SND1: variants seen among roughly 807,000 people sequenced by gnomAD.
SND1 encodes the protein staphylococcal nuclease domain-containing protein 1.
Under a neutral mutation model 121.7 loss-of-function variants are expected in SND1, and 38 were observed. The ratio of observed to expected loss-of-function variants is 0.31; its 90% CI spans 0.24 to 0.41. The LOEUF (loss-of-function observed/expected upper bound fraction) is 0.41, where lower values mean the gene tolerates loss of function less well. Ranked by LOEUF, SND1 falls within the 10% of genes least tolerant of loss-of-function variation. SND1 has a pLI of 1.00. For synonymous variants in SND1, 401 were observed against 447.4 expected, an observed-to-expected ratio of 0.90 and a Z score of 1.31; for missense variants, 868 against 1,184.6, an observed-to-expected ratio of 0.73 and a Z score of 3.92.
rs925219468 is a variant in SND1 at position 128,050,408 on chromosome 7, G to A, written c.1780-24094G>A. 5.3e-5 allele frequency among the ~76,000 whole-genome samples: 8 copies of A among 152,312 alleles called. No homozygotes were observed. In the East Asian group the frequency reaches 1.3e-3, roughly 26 times the overall value. On this transcript the variant is annotated intron_variant, in intron 16 of 23. Coordinates refer to ENST00000354725, the MANE Select transcript of SND1 (RefSeq NM_014390.4). ...TTTCCCCAGATAACTTATCCTCACA[G>A]CATTGAGTCTGATACTGAGAAAAGA...
chr7:127,852,854 CT>C (rs1306390757), intron 12 of SND1, among the ~76,000 whole-genome samples: 2 of 151,934 alleles, frequency 1.3e-5, no homozygotes, highest in African/African-American at 4.8e-5. Context: ...CTTCTGTTGT[CT>C]GAATTATCTG....
At chr7:127,767,241 G>A (rs1336709760) in intron 10 of SND1, among the ~76,000 whole-genome samples, 1 of 152,148 alleles carries the variant, frequency 6.6e-6, no homozygotes, top group Non-Finnish European at 1.5e-5. Flanking sequence ...CCTTTCCACT[G>A]TTTAATGTAG....
chr7:127,709,414 T>C (rs1796260940), intron 9 of SND1, among the ~76,000 whole-genome samples: 1 of 152,206 alleles, frequency 6.6e-6, no homozygotes, highest in Non-Finnish European at 1.5e-5. Context: ...TAGTACCCTG[T>C]CGTGTTCCTA....
At chr7:128,040,519 C>T (rs1196673077) in intron 16 of SND1, among the ~76,000 whole-genome samples, 3 of 149,866 alleles carry the variant, frequency 2.0e-5, no homozygotes, top group East Asian at 1.9e-4. Context: ...GACCTTTCTC[C>T]TGGGAATATT....
chr7:127,828,744 A>C (rs1467831542), intron 11 of SND1, among the ~76,000 whole-genome samples: 1 of 152,220 alleles, frequency 6.6e-6, no homozygotes, highest in Non-Finnish European at 1.5e-5. Context: ...TTTATAGCTC[A>C]AAATGTTACC....
At chr7:127,803,129 G>A (rs1253029620) in intron 10 of SND1, among the ~76,000 whole-genome samples, 10 of 152,110 alleles carry the variant, frequency 6.6e-5, no homozygotes, top group Admixed American at 6.5e-5. Flanking sequence ...GCTGCCTCCC[G>A]CTCCTGCATT....
chr7:127,979,364 G>A (rs950826931), intron 15 of SND1, among the ~76,000 whole-genome samples: 4 of 152,240 alleles, frequency 2.6e-5, no homozygotes, highest in Non-Finnish European at 4.4e-5. Flanking sequence ...GAACGAGGGA[G>A]GGGAAGGGGC....
rs369372668 is a variant in SND1 at position 127,675,223 on chromosome 7, T to G, written c.79-11390T>G. On this transcript the variant is annotated intron_variant, in intron 1 of 23. Transcript: ENST00000354725. ...CTCAAAAAAACAAAAAAACCCTTCATTTTTTTTCCTTATTAAAACATGTTT... is the reference window on the plus strand; with the variant it reads ...CTCAAAAAAACAAAAAAACCCTTCAGTTTTTTTCCTTATTAAAACATGTTT... Among the ~76,000 whole-genome samples, 5 of 152,096 alleles carry G rather than the reference T, an allele frequency of 3.3e-5. No homozygotes were observed. The East Asian group carries it at 7.7e-4, about 24-fold the overall frequency.
chr7:127,745,275 C>G (rs1796960750), intron 10 of SND1, among the ~76,000 whole-genome samples: 1 of 152,096 alleles, frequency 6.6e-6, no homozygotes, highest in Non-Finnish European at 1.5e-5. Flanking sequence ...TGTTGCAGTG[C>G]TGAATACTGT....
intron 1 of SND1, among the ~76,000 whole-genome samples, chr7:127,654,411 A>G (rs530340977): frequency 6.6e-5 from 10 of 152,326 alleles, no homozygotes; most frequent in Non-Finnish European, 1.2e-4. Flanking sequence ...CAGAGCTGAG[A>G]CTTGAACCCA....
intron 15 of SND1, among the ~76,000 whole-genome samples, chr7:127,984,547 C>T (rs1456667483): frequency 2.6e-5 from 4 of 152,180 alleles, no homozygotes; most frequent in African/African-American, 4.8e-5. Context: ...TGTGTGTTTA[C>T]GTTTTTCAGA....
chr7:128,018,871 T>C (rs896066301), intron 16 of SND1, among the ~76,000 whole-genome samples: 4 of 152,206 alleles, frequency 2.6e-5, no homozygotes, highest in African/African-American at 9.7e-5. Flanking sequence ...TCAACTAACA[T>C]TGAAGCCTCA....
intron 16 of SND1, chr7:128,028,550 T>C (rs974465190): frequency 5.9e-6 from 5 of 847,582 alleles, no homozygotes; most frequent in Non-Finnish European, 8.8e-6. Flanking sequence ...ATATAATCTG[T>C]TTTTTTTAAC....
intron 17 of SND1, among the ~76,000 whole-genome samples, chr7:128,075,962 G>A (rs74935858): frequency 0.055 from 8,381 of 152,296 alleles, 624 homozygotes; most frequent in African/African-American, 0.17. Flanking sequence ...GAGGGGCAGC[G>A]CTGGGGCCTC....
At chr7:127,960,707 G>A (rs1232375944) in intron 15 of SND1, among the ~76,000 whole-genome samples, 1 of 152,210 alleles carries the variant, frequency 6.6e-6, no homozygotes, top group East Asian at 1.9e-4. Context: ...GATGTAGGAA[G>A]AACAAATGGA....
chr7:127,766,551 G>A lies in SND1; in HGVS notation c.1153-40933G>A, dbSNP rs894473744. Among the ~76,000 whole-genome samples, 7 of 152,048 alleles carry A rather than the reference G, an allele frequency of 4.6e-5. No homozygotes were observed. The South Asian group carries it at 6.2e-4, about 14-fold the overall frequency. ...AGCACTTTGGGAGGCCAAGGCGGGCGAATCACGAGGTCAGGAGATCAAGAC... is the reference window on the plus strand; with the variant it reads ...AGCACTTTGGGAGGCCAAGGCGGGCAAATCACGAGGTCAGGAGATCAAGAC... On this transcript the variant is annotated intron_variant, in intron 10 of 23. Coordinates refer to ENST00000354725, the MANE Select transcript of SND1 (RefSeq NM_014390.4).
At chr7:127,718,746 T>C in intron 9 of SND1, 1 of 985,392 alleles carries the variant, frequency 1.0e-6, no homozygotes. Flanking sequence ...TGTTCTGTAA[T>C]CAGCAGGTAA....
intron 10 of SND1, among the ~76,000 whole-genome samples, chr7:127,754,236 A>G (rs1797153850): frequency 1.3e-5 from 2 of 152,222 alleles, no homozygotes; most frequent in African/African-American, 4.8e-5. Flanking sequence ...GAGGTCAGAT[A>G]GAATAAAATA....
chr7:127,875,196 A>G (rs539850061), intron 12 of SND1, among the ~76,000 whole-genome samples: 15 of 152,258 alleles, frequency 9.9e-5, no homozygotes, highest in African/African-American at 3.6e-4. Flanking sequence ...TTTTCATCCA[A>G]CAGCCCACAG....
Sources: allele counts gnomAD v4.1 joint callset (sites outside exome capture counted in the v4.1 genomes callset), GRCh38; gene constraint gnomAD v4.1.1; transcripts MANE v1.5; gene names NCBI Gene and HGNC (gene_info 2026-07-23, HGNC 2026-07-21).